The following ADAMTS18 variants were observed in gnomAD, a reference collection of about 807,000 sequenced individuals.
ADAMTS18 encodes ADAM metallopeptidase with thrombospondin type 1 motif 18.
ADAMTS18 carries 157 observed loss-of-function variants against 165.9 expected under a neutral mutation model. That is an observed-to-expected ratio of 0.95 (90% CI 0.83 to 1.08). ADAMTS18 has a LOEUF of 1.08. Ranked by LOEUF, ADAMTS18 falls within the 50% of genes least tolerant of loss-of-function variation. ADAMTS18 has a pLI of 0.00. For missense variants in ADAMTS18, 2,040 were observed against 1,534.0 expected (o/e 1.33, Z -5.51); for synonymous variants, 782 against 578.2 (o/e 1.35, Z -5.06).
intron 3 of ADAMTS18, among the ~76,000 whole-genome samples, chr16:77,410,573 C>T (rs11866582): frequency 3.3e-5 from 5 of 151,888 alleles, no homozygotes; most frequent in Admixed American, 6.6e-5. Context: ...AGCCTAGAAA[C>T]GGGAAATAAT....
At chr16:77,424,179 G>A (rs1243646222) in intron 3 of ADAMTS18, among the ~76,000 whole-genome samples, 1 of 152,180 alleles carries the variant, frequency 6.6e-6, no homozygotes, top group Non-Finnish European at 1.5e-5. Flanking sequence ...CGAAAAGGCA[G>A]GCAGGCAGGC....
chr16:77,411,107 T>C (rs2144828437), intron 3 of ADAMTS18, among the ~76,000 whole-genome samples: 1 of 152,212 alleles, frequency 6.6e-6, no homozygotes, highest in South Asian at 2.1e-4. Flanking sequence ...ATGGCAGCAA[T>C]GATTTATTGT....
At chr16:77,379,321 G>A (rs1170570132) in intron 3 of ADAMTS18, among the ~76,000 whole-genome samples, 1 of 152,066 alleles carries the variant, frequency 6.6e-6, no homozygotes. Context: ...TCTCTTTTTG[G>A]TTTGGCTAGC....
rs547940699 is a variant in ADAMTS18, at chr16:77,324,861, C to T, written c.2032+1005G>A. Among the ~76,000 whole-genome samples the T allele has an allele frequency of 6.6e-5, 10 of 152,268 alleles. No individual in the cohort carries two copies. In the South Asian group the frequency reaches 1.7e-3, roughly 25 times the overall value. Reference sequence around the variant, plus strand: ...ACCTCTATAGGTACCTCATTACTTCCTCCTAAGACACAGCTTTGGAATTGT... The same window carrying T: ...ACCTCTATAGGTACCTCATTACTTCTTCCTAAGACACAGCTTTGGAATTGT... On this transcript the variant is annotated intron_variant, in intron 13 of 22. Coordinates refer to ENST00000282849, the MANE Select transcript of ADAMTS18 (RefSeq NM_199355.4).
intron 3 of ADAMTS18, among the ~76,000 whole-genome samples, chr16:77,416,280 G>A (rs2057528921): frequency 6.6e-6 from 1 of 152,132 alleles, no homozygotes. Flanking sequence ...GAGCTCAGTG[G>A]CATGCACAAT....
chr16:77,388,185 C>T (rs1044096025), intron 3 of ADAMTS18, among the ~76,000 whole-genome samples: 1 of 152,152 alleles, frequency 6.6e-6, no homozygotes, highest in Non-Finnish European at 1.5e-5. Context: ...CTGCAACCTC[C>T]GCCTCCTGGG....
At chr16:77,432,759 C>G (rs1295298525) in intron 2 of ADAMTS18, among the ~76,000 whole-genome samples, 1 of 138,306 alleles carries the variant, frequency 7.2e-6, no homozygotes, top group Non-Finnish European at 1.7e-5. Flanking sequence ...ACAACCTTCC[C>G]CCTCCTCCAA....
At chr16:77,383,678 G>C (rs527592173) in intron 3 of ADAMTS18, among the ~76,000 whole-genome samples, 1 of 152,184 alleles carries the variant, frequency 6.6e-6, no homozygotes, top group African/African-American at 2.4e-5. Context: ...AAGTAGCTGG[G>C]ATTACAGGCA....
At chr16:77,343,396 C>T (rs1158877074) in intron 10 of ADAMTS18, among the ~76,000 whole-genome samples, 1 of 152,216 alleles carries the variant, frequency 6.6e-6, no homozygotes, top group Non-Finnish European at 1.5e-5. Context: ...TTTCAAATAT[C>T]TACTTCCAGA....
intron 3 of ADAMTS18, among the ~76,000 whole-genome samples, chr16:77,381,344 T>C (rs1280069853): frequency 6.6e-6 from 1 of 152,144 alleles, no homozygotes; most frequent in African/African-American, 2.4e-5. Context: ...AAGGTATGAC[T>C]CTTTAACAAC....
chr16:77,297,776 C>T (rs1043001126), intron 17 of ADAMTS18, among the ~76,000 whole-genome samples: 5 of 151,916 alleles, frequency 3.3e-5, no homozygotes, highest in Non-Finnish European at 7.4e-5. Flanking sequence ...AAAAACCATT[C>T]GTGAGTTATA....
At chr16:77,377,489 C>T (rs1175375574) in intron 3 of ADAMTS18, among the ~76,000 whole-genome samples, 1 of 152,074 alleles carries the variant, frequency 6.6e-6, no homozygotes, top group African/African-American at 2.4e-5. Context: ...AACAATAGAG[C>T]CAGAACTTCA....
chr16:77,420,538 A>C (rs766416591), intron 3 of ADAMTS18, among the ~76,000 whole-genome samples: 3 of 152,214 alleles, frequency 2.0e-5, no homozygotes, highest in Non-Finnish European at 4.4e-5. Context: ...CTTATGTGCT[A>C]GTCATACACA....
intron 3 of ADAMTS18, chr16:77,378,838 T>A (rs2056990970): frequency 1.3e-5 from 2 of 152,218 alleles, no homozygotes; most frequent in South Asian, 4.1e-4. Flanking sequence ...GAACAAGAAG[T>A]CAAGAAGTCT....
chr16:77,431,570 A>C lies in ADAMTS18; in HGVS notation c.220T>G (p.Ser74Ala), dbSNP rs1222047854. The C allele has an allele frequency of 1.9e-6, 3 of 1,613,994 alleles. No individual in the cohort carries two copies. The highest frequency in any genetic ancestry group is 2.5e-6 in the Non-Finnish European group (3 of 1,180,002). ...VTPVEVDSAGSYISHDILHNG... is the reference protein window; with the variant it reads ...VTPVEVDSAGAYISHDILHNG... The stretch of plus-strand genomic sequence containing the variant: ...TGCAAAATGTCGTGTGAAATATATG[A>C]CCCGGCTGAGTCTACTTCTACTGGC... Residue 74 changes from serine (S) to alanine (A), a missense_variant, in exon 3 of 23, where the codon TCA (serine) becomes GCA (alanine). Coordinates refer to ENST00000282849, the MANE Select transcript of ADAMTS18 (RefSeq NM_199355.4).
chr16:77,283,644 GTCT>G lies in ADAMTS18; in HGVS notation c.*309_*311del, dbSNP rs1489872102. ...TGAACCCTTTGAAGTTCAAAAGGGGGTCTCTCCCCAAATCGACGTATCTCAGTG... is the reference window on the plus strand; with the variant it reads ...TGAACCCTTTGAAGTTCAAAAGGGGGCTCCCCAAATCGACGTATCTCAGTG... On this transcript the variant is annotated 3_prime_UTR_variant, in exon 23 of 23. Transcript: ENST00000282849. The G allele has an allele frequency of 2.1e-5, 7 of 329,600 alleles. No homozygotes were observed. The highest frequency in any genetic ancestry group is 4.3e-5 in the African/African-American group (2 of 46,594). 20.4% of individuals were successfully genotyped at this position (329,600 alleles called of 1,614,324 possible).
At chr16:77,297,160 T>C in intron 18 of ADAMTS18, 129 bp downstream of exon 18, 1 of 1,366,104 alleles carries the variant, frequency 7.3e-7, no homozygotes, top group Non-Finnish European at 1.0e-6. Context: ...TATTACTTTT[T>C]AAAGTATTGC....
intron 3 of ADAMTS18, among the ~76,000 whole-genome samples, chr16:77,426,361 A>T (rs116039437): frequency 6.6e-6 from 1 of 152,104 alleles, no homozygotes; most frequent in Non-Finnish European, 1.5e-5. Context: ...AAAAAATTTC[A>T]TTGGCCAAAG....
chr16:77,392,766 G>A (rs2057205859), intron 3 of ADAMTS18, among the ~76,000 whole-genome samples: 1 of 152,132 alleles, frequency 6.6e-6, no homozygotes, highest in African/African-American at 2.4e-5. Flanking sequence ...CTAGATGGCA[G>A]ATCTCTGTGC....
Sources: allele counts gnomAD v4.1 joint callset (sites outside exome capture counted in the v4.1 genomes callset), GRCh38; gene constraint gnomAD v4.1.1; transcripts MANE v1.5; gene names NCBI Gene and HGNC (gene_info 2026-07-23, HGNC 2026-07-21).